IL1RAPL2: variants seen among roughly 807,000 people sequenced by gnomAD.
IL1RAPL2 encodes X-linked interleukin-1 receptor accessory protein-like 2.
A neutral mutation model predicts 44.1 loss-of-function variants in IL1RAPL2; 3 were observed. The observed-to-expected ratio is 0.07, with a 90% CI of 0.03 to 0.18. The LOEUF (loss-of-function observed/expected upper bound fraction) is 0.18. IL1RAPL2 is among the 10% of genes least tolerant of loss of function. The pLI, the probability that IL1RAPL2 is intolerant of heterozygous loss-of-function variation, is 1.00. For missense variants in IL1RAPL2, 391 were observed against 496.4 expected (o/e 0.79, Z 2.02); for synonymous variants, 181 against 178.8 (o/e 1.01, Z -0.10).
At chrX:105,224,527 G>A (rs2147629903) in intron 3 of IL1RAPL2, among the ~76,000 whole-genome samples, 1 of 111,556 alleles carries the variant, frequency 9.0e-6, no homozygotes, top group South Asian at 3.8e-4. Context: ...ATAGATCATG[G>A]AAGCATAGGA....
At chrX:105,031,415 T>C (rs1380847611) in intron 2 of IL1RAPL2, among the ~76,000 whole-genome samples, 3 of 111,208 alleles carry the variant, frequency 2.7e-5, no homozygotes, top group Non-Finnish European at 5.7e-5. Flanking sequence ...TGAGATATGT[T>C]CCATCAATAC....
At chrX:105,386,757 A>G (rs750760995) in intron 5 of IL1RAPL2, among the ~76,000 whole-genome samples, 1 of 111,899 alleles carries the variant, frequency 8.9e-6, no homozygotes, top group South Asian at 3.7e-4. Context: ...GGCTTTATAA[A>G]TTTGTACATT....
intron 6 of IL1RAPL2, among the ~76,000 whole-genome samples, chrX:105,577,881 CTTTCTT>C (rs1354141656): frequency 1.8e-5 from 2 of 110,843 alleles, no homozygotes; most frequent in African/African-American, 6.6e-5. Flanking sequence ...AAAATTTTCA[CTTTCTT>C]TTTATTATTA....
At chrX:105,283,615 G>A (rs961831390) in intron 5 of IL1RAPL2, among the ~76,000 whole-genome samples, 3 of 111,233 alleles carry the variant, frequency 2.7e-5, no homozygotes, top group Non-Finnish European at 5.7e-5. Flanking sequence ...CCTGAAATGA[G>A]GAAGACTGAG....
intron 2 of IL1RAPL2, among the ~76,000 whole-genome samples, chrX:104,660,402 C>T (rs992449898): frequency 4.6e-5 from 5 of 108,484 alleles, no homozygotes; most frequent in African/African-American, 6.7e-5. Context: ...AAAAAAGAAA[C>T]GAGGGTTTAA....
chrX:105,542,795 G>A (rs755243448), intron 6 of IL1RAPL2, among the ~76,000 whole-genome samples: 37 of 101,205 alleles, frequency 3.7e-4, no homozygotes, highest in Admixed American at 4.4e-4. Context: ...GTGCAGTGGC[G>A]GGATCTCGGC....
intron 5 of IL1RAPL2, among the ~76,000 whole-genome samples, chrX:105,276,788 G>A (rs377746385): frequency 4.5e-5 from 5 of 111,984 alleles, no homozygotes; most frequent in African/African-American, 1.6e-4. Context: ...GACTGACTCA[G>A]ACTCTGTTCC....
At chrX:105,194,668 A>G (rs1292288171) in intron 2 of IL1RAPL2, among the ~76,000 whole-genome samples, 2 of 111,881 alleles carry the variant, frequency 1.8e-5, no homozygotes, top group East Asian at 2.8e-4. Flanking sequence ...ATAAAGAGAA[A>G]TTGACCTATG....
At chrX:104,600,224 T>G (rs1479129446) in intron 1 of IL1RAPL2, among the ~76,000 whole-genome samples, 1 of 111,951 alleles carries the variant, frequency 8.9e-6, no homozygotes, top group South Asian at 3.8e-4. Flanking sequence ...AAAAATTTGT[T>G]TCTTAGAGGT....
intron 2 of IL1RAPL2, among the ~76,000 whole-genome samples, chrX:105,169,750 G>A (rs1481960419): frequency 9.2e-6 from 1 of 108,537 alleles, no homozygotes; most frequent in Non-Finnish European, 1.9e-5. Context: ...GGCTGGTCTT[G>A]AACTTGCGAC....
intron 5 of IL1RAPL2, among the ~76,000 whole-genome samples, chrX:105,381,691 A>G (rs2035431475): frequency 8.9e-6 from 1 of 112,195 alleles, no homozygotes; most frequent in African/African-American, 3.2e-5. Flanking sequence ...TAATGATCAA[A>G]TCAGAGGAAT....
intron 2 of IL1RAPL2, among the ~76,000 whole-genome samples, chrX:105,043,046 G>A (rs1335085476): frequency 1.0e-4 from 9 of 88,933 alleles, no homozygotes; most frequent in East Asian, 4.1e-4. Context: ...CATGGACACA[G>A]GAAGGGGAAC....
intron 10 of IL1RAPL2, among the ~76,000 whole-genome samples, chrX:105,763,553 T>C (rs954168790): frequency 1.8e-5 from 2 of 108,276 alleles, no homozygotes; most frequent in African/African-American, 6.8e-5. Flanking sequence ...AGAGGAAGAA[T>C]GGGATAGGTA....
rs1242314403 is a variant in IL1RAPL2 at position 105,530,288 on chromosome X, T to C, written c.772+45901T>C. ...GAATGTGTATGAAGTGGGTGTGTCA[T>C]TGTGATTTTGCTTTCCATTTATCTA... On this transcript the variant is annotated intron_variant, in intron 6 of 10. Coordinates refer to ENST00000372582, the MANE Select transcript of IL1RAPL2 (RefSeq NM_017416.2). Among the ~76,000 whole-genome samples, 8 of 111,934 alleles carry C rather than the reference T, an allele frequency of 7.1e-5. No homozygotes were observed. The South Asian group carries it at 1.9e-3, about 26-fold the overall frequency.
chrX:104,949,908 G>A (rs1454865610), intron 2 of IL1RAPL2, among the ~76,000 whole-genome samples: 1 of 111,339 alleles, frequency 9.0e-6, no homozygotes, highest in Non-Finnish European at 1.9e-5. Flanking sequence ...TTTTTGGGGT[G>A]GAGAGTTCTG....
intron 4 of IL1RAPL2, among the ~76,000 whole-genome samples, chrX:105,253,237 C>CT (rs1207338911): frequency 3.6e-5 from 4 of 111,894 alleles, no homozygotes; most frequent in African/African-American, 6.5e-5. Flanking sequence ...TTCTGTTCCA[C>CT]TTTTTTTCCA....
At chrX:105,001,928 C>T (rs955541461) in intron 2 of IL1RAPL2, among the ~76,000 whole-genome samples, 3 of 110,970 alleles carry the variant, frequency 2.7e-5, no homozygotes, top group African/African-American at 9.8e-5. Context: ...AGTGAGGGTA[C>T]TTCTGAAGTG....
At chrX:105,646,453 C>T (rs1383378519) in intron 6 of IL1RAPL2, among the ~76,000 whole-genome samples, 1 of 111,675 alleles carries the variant, frequency 9.0e-6, no homozygotes, top group Admixed American at 9.5e-5. Context: ...AAGAAATTAT[C>T]CCATTTTTAT....
rs750077943 is a variant in IL1RAPL2 at position 105,323,990 on chromosome X, G to A, written c.697+56449G>A. ...TTAGAGGGTATTGTGTGTAGGAACTGTAACAAAAAATAGGACAAAATTCTG... is the reference window on the plus strand; with the variant it reads ...TTAGAGGGTATTGTGTGTAGGAACTATAACAAAAAATAGGACAAAATTCTG... On this transcript the variant is annotated intron_variant, in intron 5 of 10. Transcript: ENST00000372582. 2.2e-4 allele frequency among the ~76,000 whole-genome samples: 25 copies of A among 111,558 alleles called. No individual in the cohort carries two copies. The Admixed American group carries it at 2.3e-3, about 10-fold the overall frequency.
Sources: allele counts gnomAD v4.1 joint callset (sites outside exome capture counted in the v4.1 genomes callset), GRCh38; gene constraint gnomAD v4.1.1; transcripts MANE v1.5; gene names NCBI Gene and HGNC (gene_info 2026-07-23, HGNC 2026-07-21).